The following C8orf90 variants were observed in gnomAD, a reference collection of about 807,000 sequenced individuals.
The protein encoded by C8orf90 is uncharacterized protein C8orf90.
the C8orf90 span, chr8:141,514,856 C>A: frequency 1.5e-6 from 1 of 662,976 alleles, no homozygotes; most frequent in East Asian, 2.8e-5. Flanking sequence ...GCCCTCTGAC[C>A]CATCTTCCAG....
At chr8:141,516,910 G>A in the C8orf90 span, among the ~76,000 whole-genome samples, 6 of 152,204 alleles carry the variant, frequency 3.9e-5, no homozygotes, top group Non-Finnish European at 5.9e-5. Context: ...GAGGCTCATG[G>A]AAGGTGAAAG....
At chr8:141,514,762 AGGCGAGACACTT>A in the C8orf90 span, 1 of 701,050 alleles carries the variant, frequency 1.4e-6, no homozygotes, top group East Asian at 2.7e-5. Context: ...TAGCCACTCC[AGGCGAGACACTT>A]GGTGAGGGAG....
the C8orf90 span, among the ~76,000 whole-genome samples, chr8:141,515,572 C>T: frequency 2.8e-4 from 42 of 151,924 alleles, no homozygotes; most frequent in African/African-American, 6.5e-4. Context: ...TTGTCCCCAC[C>T]GCACTCTGGG....
chr8:141,518,036 C>T, the C8orf90 span, among the ~76,000 whole-genome samples: 4 of 152,198 alleles, frequency 2.6e-5, no homozygotes, highest in African/African-American at 7.2e-5. Flanking sequence ...ATGCAGGGCC[C>T]GGCCTCGCCT....
the C8orf90 span, chr8:141,518,704 C>A: frequency 3.8e-6 from 2 of 520,920 alleles, no homozygotes; most frequent in South Asian, 2.6e-5. Flanking sequence ...CGAGAGCGAA[C>A]AGAATAAATA....
chr8:141,515,571 C>T, the C8orf90 span, among the ~76,000 whole-genome samples: 5 of 151,956 alleles, frequency 3.3e-5, no homozygotes, highest in African/African-American at 1.2e-4. Flanking sequence ...CTTGTCCCCA[C>T]CGCACTCTGG....
At chr8:141,514,772 C>A in the C8orf90 span, 9 of 700,506 alleles carry the variant, frequency 1.3e-5, no homozygotes, top group South Asian at 1.3e-4. Context: ...AGGCGAGACA[C>A]TTGGTGAGGG....
At chr8:141,514,729 A>C in the C8orf90 span, 1 of 701,682 alleles carries the variant, frequency 1.4e-6, no homozygotes, top group African/African-American at 1.7e-5. Context: ...CCCCCAGCCC[A>C]GCAGGTCTGC....
chr8:141,518,012 C>T, the C8orf90 span, among the ~76,000 whole-genome samples: 1 of 152,242 alleles, frequency 6.6e-6, no homozygotes, highest in Non-Finnish European at 1.5e-5. Flanking sequence ...TTTGCTGTTG[C>T]TGTTCCCTCA....
the C8orf90 span, chr8:141,518,103 T>A: frequency 2.0e-6 from 1 of 510,640 alleles, no homozygotes; most frequent in Non-Finnish European, 3.4e-6. Context: ...ATTCGGCGGC[T>A]CCTTCCAGAC....
chr8:141,515,235 C>T, the C8orf90 span, among the ~76,000 whole-genome samples: 57 of 136,006 alleles, frequency 4.2e-4, no homozygotes, highest in African/African-American at 1.6e-3. Context: ...TCCATCCATC[C>T]ACCCAACCAT....
chr8:141,517,576 G>A, the C8orf90 span, among the ~76,000 whole-genome samples: 1 of 152,096 alleles, frequency 6.6e-6, no homozygotes, highest in South Asian at 2.1e-4. Context: ...TCCCTCCTGG[G>A]GCCGCACCTC....
At chr8:141,514,804 G>T in the C8orf90 span, 2 of 697,458 alleles carry the variant, frequency 2.9e-6, no homozygotes, top group Admixed American at 4.1e-5. Context: ...CGGGAAGGGG[G>T]ACGGGGCACC....
At chr8:141,518,132 C>A in the C8orf90 span, 2 of 525,204 alleles carry the variant, frequency 3.8e-6, no homozygotes, top group East Asian at 7.0e-5. Context: ...TCTCTTCGCG[C>A]CCGGCCTCCT....
the C8orf90 span, among the ~76,000 whole-genome samples, chr8:141,516,372 C>G: frequency 6.6e-6 from 1 of 152,216 alleles, no homozygotes; most frequent in Non-Finnish European, 1.5e-5. Flanking sequence ...TGAACCCACT[C>G]TCACCGGGTT....
the C8orf90 span, among the ~76,000 whole-genome samples, chr8:141,514,956 G>T: frequency 3.3e-5 from 5 of 152,128 alleles, no homozygotes; most frequent in Admixed American, 3.3e-4. Context: ...TCCCTGTAAA[G>T]GTCCTTCTCC....
chr8:141,518,151 GCCTGCGCGGGCCGCTCCCGGC>G, the C8orf90 span: 1 of 528,028 alleles, frequency 1.9e-6, no homozygotes, highest in Non-Finnish European at 3.3e-6. Context: ...CTGGTCTCCC[GCCTGCGCGGGCCGCTCCCGGC>G]CCTCCCCGCC....
At chr8:141,516,192 T>C in the C8orf90 span, among the ~76,000 whole-genome samples, 1 of 152,176 alleles carries the variant, frequency 6.6e-6, no homozygotes, top group Non-Finnish European at 1.5e-5. Context: ...ATGATACCGC[T>C]CTTTCCCAGG....
chr8:141,516,423 C>A, the C8orf90 span, among the ~76,000 whole-genome samples: 1 of 152,172 alleles, frequency 6.6e-6, no homozygotes, highest in Non-Finnish European at 1.5e-5. Flanking sequence ...TAGCAAAAGT[C>A]ATCAATGACC....
Sources: allele counts gnomAD v4.1 joint callset (sites outside exome capture counted in the v4.1 genomes callset), GRCh38; gene constraint gnomAD v4.1.1; transcripts MANE v1.5; gene names NCBI Gene and HGNC (gene_info 2026-07-23, HGNC 2026-07-21).